The following CACNA1A variants were observed in gnomAD, a reference collection of about 807,000 sequenced individuals.
The protein encoded by CACNA1A is calcium voltage-gated channel subunit alpha1 A, also known as voltage-dependent P/Q-type calcium channel subunit alpha-1A.
In CACNA1A, 57 loss-of-function variants were observed where a neutral mutation model predicts 262.4. The ratio of observed to expected loss-of-function variants is 0.22; its 90% CI spans 0.18 to 0.27. CACNA1A has a LOEUF of 0.27. Among genes scored for constraint, CACNA1A ranks in the 10% least tolerant of loss-of-function variants. CACNA1A has a pLI of 1.00. For synonymous variants in CACNA1A, 1,431 were observed against 1,419.3 expected, an observed-to-expected ratio of 1.01 and a Z score of -0.18; for missense variants, 2,526 against 3,562.8, an observed-to-expected ratio of 0.71 and a Z score of 7.41.
Position 13,207,489 on chromosome 19 carries a change from C to G in CACNA1A, c.7345G>C (p.Gly2449Arg). The change falls in exon 47 of 47, where the codon GGG becomes CGG. Residue 2449 changes from glycine (G) to arginine (R), a missense_variant. Physicochemically the swap from Gly to Arg is moderately radical, Grantham distance 125. Around this residue, in one of 17 missense-constraint regions of CACNA1A, gnomAD observed 929 missense variants for 868.1 expected, o/e 1.07. Transcript: ENST00000360228. This position sits in a 1 kb window ranked among gnomAD's most constrained non-coding sequence, Gnocchi z 5.7. Reference sequence around the variant, plus strand: ...GCCCGGGGAGTCCTGGGCGAGCGCCCGGTGGCGCCCGAGGACGCGTGTCGT... The same window carrying G: ...GCCCGGGGAGTCCTGGGCGAGCGCCGGGTGGCGCCCGAGGACGCGTGTCGT... ...PVRHASSGATGRSPRTPRASG... is the reference protein window; with the variant it reads ...PVRHASSGATRRSPRTPRASG... The G allele has an allele frequency of 7.0e-7, 1 of 1,424,972 alleles. No individual in the cohort carries two copies. The highest frequency in any genetic ancestry group is 9.1e-7 in the Non-Finnish European group (1 of 1,095,834). The allele number at this position is 1,424,972 out of a possible 1,614,324, so 88.3% of individuals were successfully genotyped here. A position where few individuals can be genotyped will look rare whatever the true frequency, so the allele number is the denominator to read the frequency against.
At chr19:13,469,199 C>T (rs74772815) in intron 1 of CACNA1A, among the ~76,000 whole-genome samples, 8,138 of 152,258 alleles carry the variant, frequency 0.053, 302 homozygotes, top group Non-Finnish European at 0.072. Context: ...GCACCAGCAG[C>T]CAAGATCCTG....
At chr19:13,439,485 C>T (rs1458806036) in intron 3 of CACNA1A, among the ~76,000 whole-genome samples, 1 of 151,190 alleles carries the variant, frequency 6.6e-6, no homozygotes, top group African/African-American at 2.4e-5. Flanking sequence ...CTGCAAGCTC[C>T]GCCTCCCGGG....
intron 3 of CACNA1A, among the ~76,000 whole-genome samples, chr19:13,379,005 C>T (rs1167946854): frequency 2.9e-5 from 4 of 136,676 alleles, no homozygotes; most frequent in Non-Finnish European, 6.2e-5. Flanking sequence ...TTGAGAGATA[C>T]GGTCTCACTC....
rs975594258 is a variant in CACNA1A at position 13,210,095 on chromosome 19, CAGGCACTGG to C, written c.6339+513_6339+521del. 3.3e-5 allele frequency among the ~76,000 whole-genome samples: 5 copies of C among 152,262 alleles called. 1 individual carries two copies. The highest frequency in any genetic ancestry group is 1.2e-4 in the African/African-American group (5 of 41,540). The stretch of plus-strand genomic sequence containing the variant: ...GCTCTGGGTGGGGGTGGGGGATACC[CAGGCACTGG>C]AGGCTCTGGGGGCCCACTCTTTTCC... On this transcript the variant is annotated intron_variant, in intron 44 of 46. Coordinates refer to ENST00000360228, the MANE Select transcript of CACNA1A (RefSeq NM_001127222.2).
At chr19:13,266,089 C>G (rs2056854889) in intron 24 of CACNA1A, among the ~76,000 whole-genome samples, 1 of 152,198 alleles carries the variant, frequency 6.6e-6, no homozygotes, top group African/African-American at 2.4e-5. Context: ...AGTGATCCAC[C>G]TGCCTCGGCC....
intron 6 of CACNA1A, among the ~76,000 whole-genome samples, chr19:13,347,854 C>G (rs1385157588): frequency 6.6e-6 from 1 of 152,152 alleles, no homozygotes; most frequent in Non-Finnish European, 1.5e-5. Flanking sequence ...GGGCATGGGT[C>G]AAAGGTGATT....
At chr19:13,416,319 TCTCAAACTCCTGGG>T (rs1160256092) in intron 3 of CACNA1A, among the ~76,000 whole-genome samples, 1 of 152,028 alleles carries the variant, frequency 6.6e-6, no homozygotes, top group Non-Finnish European at 1.5e-5. Flanking sequence ...CCCAGGCTGG[TCTCAAACTCCTGGG>T]CTCAAGCAAT....
At chr19:13,251,440 G>A (rs922059247) in intron 30 of CACNA1A, among the ~76,000 whole-genome samples, 9 of 152,186 alleles carry the variant, frequency 5.9e-5, no homozygotes, top group East Asian at 5.8e-4. Context: ...CCGAGATTGC[G>A]CCACTGCACT....
intron 3 of CACNA1A, among the ~76,000 whole-genome samples, chr19:13,433,483 AGT>A (rs2060557150): frequency 3.6e-5 from 5 of 140,460 alleles, no homozygotes; most frequent in South Asian, 2.3e-4. Flanking sequence ...AAAAAAAAAA[AGT>A]CAGCTGAAGA....
chr19:13,232,559 A>G (rs1488807258), intron 34 of CACNA1A, among the ~76,000 whole-genome samples: 3 of 150,532 alleles, frequency 2.0e-5, no homozygotes, highest in South Asian at 2.1e-4. Context: ...GTGAAACCCT[A>G]TCTCTACTAA....
At chr19:13,263,027 G>T in intron 24 of CACNA1A, 194 bp from the exon 25 acceptor site, 1 of 582,388 alleles carries the variant, frequency 1.7e-6, no homozygotes, top group South Asian at 2.0e-5. Flanking sequence ...GAGCCAGTAA[G>T]TACGTGGCTT....
rs1600261274 is a variant in CACNA1A, at chr19:13,294,215, A to C, written c.3089+4329T>G. ...CAAGACCCTGCCTCAAAAAAAAAAA[A>C]AAAACAAACAAAACCCTAAATAAAC... On this transcript the variant is annotated intron_variant, in intron 19 of 46. Transcript: ENST00000360228. 4.0e-5 allele frequency among the ~76,000 whole-genome samples: 6 copies of C among 149,710 alleles called. 1 individual carries two copies. The highest frequency in any genetic ancestry group is 4.0e-4 in the Admixed American group (6 of 14,994).
chr19:13,380,458 C>A (rs2059499467), intron 3 of CACNA1A, among the ~76,000 whole-genome samples: 1 of 150,994 alleles, frequency 6.6e-6, no homozygotes, highest in South Asian at 2.1e-4. Context: ...CCAGCCTGGC[C>A]AACATGGCGA....
In CACNA1A at chr19:13,452,866, C is replaced by T. The variant is rs375079448; in HGVS notation, c.539+10G>A. On this transcript the variant is annotated intron_variant, in intron 3 of 46. Coordinates refer to ENST00000360228, the MANE Select transcript of CACNA1A (RefSeq NM_001127222.2). Reference sequence around the variant, plus strand: ...AGTTAAATCCAAAGCGTATAGCACGCGCCACTTACCCCGTTAGCACCACCA... The same window carrying T: ...AGTTAAATCCAAAGCGTATAGCACGTGCCACTTACCCCGTTAGCACCACCA... 61 of 1,612,764 alleles carry T rather than the reference C, an allele frequency of 3.8e-5. No homozygotes were observed. The highest frequency in any genetic ancestry group is 1.3e-4 in the African/African-American group (10 of 74,968).
intron 1 of CACNA1A, among the ~76,000 whole-genome samples, chr19:13,457,043 A>T (rs982299012): frequency 2.6e-5 from 4 of 152,148 alleles, no homozygotes; most frequent in African/African-American, 9.7e-5. Flanking sequence ...TGAGCACAGG[A>T]GTCCGAGACC....
chr19:13,434,505 G>C (rs1388884601), intron 3 of CACNA1A, among the ~76,000 whole-genome samples: 1 of 152,166 alleles, frequency 6.6e-6, no homozygotes, highest in Non-Finnish European at 1.5e-5. Flanking sequence ...TTGGATCATG[G>C]GGGCAGATTT....
intron 30 of CACNA1A, 47 bp downstream of exon 30, chr19:13,252,944 T>C (rs1371529281): frequency 2.3e-6 from 3 of 1,294,234 alleles, no homozygotes; most frequent in Non-Finnish European, 2.2e-6. Flanking sequence ...TTGTTCCCCC[T>C]TGGGCTTCTC....
At chr19:13,268,120 G>A (rs1259692378) in intron 24 of CACNA1A, among the ~76,000 whole-genome samples, 2 of 152,022 alleles carry the variant, frequency 1.3e-5, no homozygotes, top group Non-Finnish European at 2.9e-5. Context: ...GAATTCTGAT[G>A]TTTGATTAAC....
chr19:13,282,865 TTC>T (rs2057323112), intron 22 of CACNA1A, among the ~76,000 whole-genome samples: 1 of 152,164 alleles, frequency 6.6e-6, no homozygotes. Flanking sequence ...AAATAGTTGT[TTC>T]TTTCAAAGCT....
Sources: gnomAD v4.1 joint callset for allele counts (sites outside exome capture counted in the v4.1 genomes callset) on GRCh38, gnomAD v4.1.1 for gene constraint, gnomAD v4.1.1 regional missense constraint, Gnocchi (gnomAD v3.1) non-coding constraint, MANE v1.5 for transcripts, NCBI Gene and HGNC (gene_info 2026-07-23, HGNC 2026-07-21) for gene names.